The following TMEM134 variants were observed in gnomAD, a reference collection of about 807,000 sequenced individuals.
TMEM134 encodes transmembrane protein 134.
TMEM134 carries 36 observed loss-of-function variants against 26.2 expected under a neutral mutation model. The ratio of observed to expected loss-of-function variants is 1.37; its 90% CI spans 1.05 to 1.81. The LOEUF is 1.81. TMEM134 is among the 40% of genes most tolerant of loss of function. The pLI, the probability that TMEM134 is intolerant of heterozygous loss-of-function variation, is 0.00. For synonymous variants in TMEM134, 133 were observed against 113.6 expected (o/e 1.17, Z -1.08); for missense variants, 339 against 263.5 (o/e 1.29, Z -1.98).
rs746548369 is a variant in TMEM134 at position 67,461,919 on chromosome 11, C to T, written c.*2695G>A. ...ATGGGAATCACCACTTCTGAAATTGCTTTCTGTTAAGACTGTAGAATGAAG... is the reference window on the plus strand; with the variant it reads ...ATGGGAATCACCACTTCTGAAATTGTTTTCTGTTAAGACTGTAGAATGAAG... On this transcript the variant is annotated 3_prime_UTR_variant, in exon 7 of 7. Coordinates refer to ENST00000308022, the MANE Select transcript of TMEM134 (RefSeq NM_025124.4). The T allele has an allele frequency of 1.3e-5, 2 of 152,140 alleles. No homozygotes were observed. Among genetic ancestry groups the T allele is most frequent in the African/African-American group, 4.8e-5 (2 of 41,420 alleles). The allele number at this position is 152,140 out of a possible 1,614,324, so 9.4% of individuals were successfully genotyped here.
chr11:67,467,212 G>T, intron 4 of TMEM134, 100 bp downstream of exon 4: 1 of 1,138,982 alleles, frequency 8.8e-7, no homozygotes, highest in Non-Finnish European at 1.3e-6. Context: ...TCCTCAGGAT[G>T]CTGGGAGGCT....
chr11:67,465,010 C>T (rs771014076), intron 5 of TMEM134, 46 bp downstream of exon 5: 7 of 1,510,642 alleles, frequency 4.6e-6, no homozygotes, highest in Admixed American at 1.8e-5. Context: ...CCCGTGGACA[C>T]AAGACAGGGG....
rs1451607920 is a variant in TMEM134, at chr11:67,469,250, T to A, written c.-58A>T. 1.9e-5 allele frequency: 23 copies of A among 1,218,926 alleles called. No individual in the cohort carries two copies. Among genetic ancestry groups the A allele is most frequent in the Middle Eastern group, 3.1e-4 (1 of 3,204 alleles). The allele number at this position is 1,218,926 out of a possible 1,614,324, so 75.5% of individuals were successfully genotyped here. ...GCCATCTGCGCCCACACACCCAGCG[T>A]CGCCGCTGCCCCGCCCCCGCATGCC... is the stretch of plus-strand genomic sequence containing the variant. On this transcript the variant is annotated 5_prime_UTR_variant, in exon 1 of 7. Transcript: ENST00000308022.
intron 4 of TMEM134, chr11:67,466,031 C>T (rs1181468248): frequency 1.3e-5 from 2 of 152,144 alleles, no homozygotes; most frequent in East Asian, 3.9e-4. Context: ...GTGATCATAC[C>T]ACAGCTCTCC....
At position 67,465,200 on chromosome 11, in the gene TMEM134, C is replaced by G. The variant is rs778616283; in HGVS notation, c.407-100G>C. ...TCACCCACCACCTGAGCTGAAGGTG[C>G]CCTAGGCAGAGACCCTCCCCAGGAA... On this transcript the variant is annotated intron_variant, in intron 4 of 6. Transcript: ENST00000308022. The G allele has an allele frequency of 5.2e-6, 8 of 1,533,126 alleles. No individual in the cohort carries two copies. In the South Asian group the frequency reaches 8.4e-5, roughly 16 times the overall value. The allele number at this position is 1,533,126 out of a possible 1,614,324, so 95.0% of individuals were successfully genotyped here.
chr11:67,464,815 A>C lies in TMEM134; in HGVS notation c.493T>G (p.Leu165Val). The C allele has an allele frequency of 1.2e-6, 2 of 1,609,876 alleles. No homozygotes were observed. The highest frequency in any genetic ancestry group is 1.1e-5 in the South Asian group (1 of 90,848). The change falls in exon 6 of 7, where the codon TTG becomes GTG. Residue 165 changes from leucine to valine, a missense_variant. Transcript: ENST00000308022. ...TGCCCGCTCGCACCTCCAGGCACCAACAACAGGAAGCCCGGCACGAAGAAG... is the reference window on the plus strand; with the variant it reads ...TGCCCGCTCGCACCTCCAGGCACCACCAACAGGAAGCCCGGCACGAAGAAG... ...AIFFVPGFLLLVPGVYHVIFI... is the reference protein window; with the variant it reads ...AIFFVPGFLLVVPGVYHVIFI...
chr11:67,465,161 AC>A, intron 4 of TMEM134, 61 bp from the exon 5 acceptor site: 2 of 1,531,890 alleles, frequency 1.3e-6, no homozygotes, highest in Non-Finnish European at 8.7e-7. Flanking sequence ...GGGGGCTCCC[AC>A]CCCCAGCCCG....
intron 5 of TMEM134, 52 bp from the exon 6 acceptor site, chr11:67,464,908 C>T (rs779889732): frequency 4.4e-6 from 7 of 1,598,278 alleles, no homozygotes; most frequent in Non-Finnish European, 6.0e-6. Context: ...GGCTTCGAGG[C>T]CTTCCGGGCT....
intron 1 of TMEM134, among the ~76,000 whole-genome samples, chr11:67,468,478 G>C (rs1240667284): frequency 2.0e-5 from 3 of 152,224 alleles, no homozygotes; most frequent in Non-Finnish European, 4.4e-5. Context: ...GCCTAGGGTT[G>C]GTGGAGGTTT....
intron 2 of TMEM134, 199 bp from the exon 3 acceptor site, chr11:67,467,789 C>T: frequency 3.0e-6 from 2 of 667,804 alleles, no homozygotes; most frequent in Non-Finnish European, 5.2e-6. Flanking sequence ...GACAGGTGAC[C>T]TGTATGAAGG....
chr11:67,467,467 C>T lies in TMEM134; in HGVS notation c.329+34G>A, dbSNP rs201621593. ...GGAGGCTGTGGGGGTGGAGCCAGGG[C>T]TGCTCGGCTGGGGGCTTAGGCGGGC... is the stretch of plus-strand genomic sequence containing the variant. On this transcript the variant is annotated intron_variant, in intron 3 of 6. Transcript: ENST00000308022. 3.0e-5 allele frequency: 48 copies of T among 1,613,004 alleles called. No homozygotes were observed. In the African/African-American group the frequency reaches 6.1e-4, roughly 21 times the overall value.
chr11:67,464,352 C>T lies in TMEM134; in HGVS notation c.*262G>A, dbSNP rs12806130. Reference sequence around the variant, plus strand: ...GGCAGGACAGGAGGAGAGCAATTGCCTCTGGTGGAATTAATTACTCTTTTA... The same window carrying T: ...GGCAGGACAGGAGGAGAGCAATTGCTTCTGGTGGAATTAATTACTCTTTTA... On this transcript the variant is annotated 3_prime_UTR_variant, in exon 7 of 7. Transcript: ENST00000308022. 1 of 558,452 alleles carries T rather than the reference C, an allele frequency of 1.8e-6. No individual in the cohort carries two copies. The highest frequency in any genetic ancestry group is 3.2e-6 in the Non-Finnish European group (1 of 311,858). 34.6% of individuals were successfully genotyped at this position (558,452 alleles called of 1,614,324 possible). A position where few individuals can be genotyped will look rare whatever the true frequency, so the allele number is the denominator to read the frequency against.
chr11:67,464,950 A>G, intron 5 of TMEM134, 94 bp from the exon 6 acceptor site: 1 of 1,542,646 alleles, frequency 6.5e-7, no homozygotes, highest in Non-Finnish European at 8.9e-7. Flanking sequence ...CCTCACTCCC[A>G]GCTGAAAAGG....
rs1343395854 is a variant in TMEM134, at chr11:67,464,605, G to C, written c.*9C>G. 1.9e-6 allele frequency: 3 copies of C among 1,551,864 alleles called. No homozygotes were observed. Among genetic ancestry groups the C allele is most frequent in the Non-Finnish European group, 2.6e-6 (3 of 1,147,048 alleles). ...CCCATGGGCGCAAGGGGTCCACGCT[G>C]CGCCGCGATCACTTCTCGAAGTAGG... On this transcript the variant is annotated 3_prime_UTR_variant, in exon 7 of 7. Transcript: ENST00000308022.
chr11:67,464,861 G>C lies in TMEM134; in HGVS notation c.452-5C>G, dbSNP rs760752525. The C allele has an allele frequency of 6.2e-7, 1 of 1,610,376 alleles. No individual in the cohort carries two copies. Among genetic ancestry groups the C allele is most frequent in the South Asian group, 1.1e-5 (1 of 90,940 alleles). On this transcript the variant is annotated splice_polypyrimidine_tract_variant and splice_region_variant and intron_variant, in intron 5 of 6. Transcript: ENST00000308022. The stretch of plus-strand genomic sequence containing the variant: ...AGAAGATGGCGCTGGAGACACCTGC[G>C]GGAGGGACCAGAGCCCGGTCAGGGC...
chr11:67,468,108 G>T lies in TMEM134; in HGVS notation c.175-16C>A. ...TCTCCAGGTTCTGTTGCAGAACACA[G>T]GTCTCAGGGGGGTTGCTGGGCTGGG... On this transcript the variant is annotated splice_polypyrimidine_tract_variant and intron_variant, in intron 1 of 6. Coordinates refer to ENST00000308022, the MANE Select transcript of TMEM134 (RefSeq NM_025124.4). 6.4e-7 allele frequency: 1 copy of T among 1,556,226 alleles called. No individual in the cohort carries two copies. Among genetic ancestry groups the T allele is most frequent in the Non-Finnish European group, 8.7e-7 (1 of 1,149,290 alleles).
chr11:67,467,205 T>G (rs549120499), intron 4 of TMEM134, 107 bp downstream of exon 4: 1 of 1,079,714 alleles, frequency 9.3e-7, no homozygotes, highest in East Asian at 2.4e-5. Context: ...AGCTGCCTCC[T>G]CAGGATGCTG....
intron 4 of TMEM134, chr11:67,467,023 A>G: frequency 2.1e-6 from 1 of 487,688 alleles, no homozygotes; most frequent in South Asian, 2.3e-5. Context: ...GGTAGCTGCT[A>G]CTCTTCTGTC....
chr11:67,465,281 G>C, intron 4 of TMEM134, 181 bp from the exon 5 acceptor site: 1 of 1,428,768 alleles, frequency 7.0e-7, no homozygotes, highest in South Asian at 1.4e-5. Flanking sequence ...GGAAGTGTGT[G>C]AAAGGAGAGA....
Sources: gnomAD v4.1 joint callset for allele counts (sites outside exome capture counted in the v4.1 genomes callset) on GRCh38, gnomAD v4.1.1 for gene constraint, MANE v1.5 for transcripts, NCBI Gene and HGNC (gene_info 2026-07-23, HGNC 2026-07-21) for gene names.